The following THSD7A variants were observed in gnomAD, a reference collection of about 807,000 sequenced individuals.
THSD7A encodes the protein thrombospondin type 1 domain containing 7A.
A neutral mutation model predicts 231.3 loss-of-function variants in THSD7A; 96 were observed. The observed-to-expected ratio is 0.41, with a 90% CI of 0.35 to 0.49. THSD7A has a LOEUF of 0.49. Among genes scored for constraint, THSD7A ranks in the 20% least tolerant of loss-of-function variants. The pLI, the probability that THSD7A is intolerant of heterozygous loss-of-function variation, is 0.05. For synonymous variants in THSD7A, 940 were observed against 743.3 expected (o/e 1.26, Z -4.30); for missense variants, 2,290 against 2,070.2 (o/e 1.11, Z -2.06).
At chr7:11,721,112 T>C (rs1781335520) in intron 1 of THSD7A, among the ~76,000 whole-genome samples, 1 of 151,856 alleles carries the variant, frequency 6.6e-6, no homozygotes, top group Admixed American at 6.6e-5. Flanking sequence ...AAAACTCCAC[T>C]TTCTACTTGT....
At chr7:11,690,862 G>A (rs929011838) in intron 1 of THSD7A, among the ~76,000 whole-genome samples, 10 of 151,664 alleles carry the variant, frequency 6.6e-5, no homozygotes, top group South Asian at 2.1e-4. Flanking sequence ...AGTTTTCTTC[G>A]AAGTGATATT....
intron 6 of THSD7A, among the ~76,000 whole-genome samples, chr7:11,490,162 A>G (rs1204366780): frequency 6.6e-6 from 1 of 152,058 alleles, no homozygotes; most frequent in African/African-American, 2.4e-5. Context: ...TTCTTCTGAT[A>G]GCACCCACTT....
intron 1 of THSD7A, among the ~76,000 whole-genome samples, chr7:11,644,033 G>C (rs913041622): frequency 2.9e-5 from 4 of 140,198 alleles, no homozygotes; most frequent in Non-Finnish European, 4.6e-5. Flanking sequence ...TTTCTTGGAG[G>C]GTTCATCCTT....
chr7:11,695,898 CTT>C (rs1405347565), intron 1 of THSD7A, among the ~76,000 whole-genome samples: 1 of 151,448 alleles, frequency 6.6e-6, no homozygotes, highest in Non-Finnish European at 1.5e-5. Context: ...GCGGACGTGA[CTT>C]AGGGTGGCCT....
intron 6 of THSD7A, among the ~76,000 whole-genome samples, chr7:11,513,844 A>G (rs1480197875): frequency 6.6e-6 from 1 of 152,138 alleles, no homozygotes; most frequent in Admixed American, 6.6e-5. Flanking sequence ...ATAGTTTATA[A>G]GGCTATTAGG....
chr7:11,783,195 C>T, intron 1 of THSD7A, among the ~76,000 whole-genome samples: 1 of 152,112 alleles, frequency 6.6e-6, no homozygotes, highest in East Asian at 1.9e-4. Context: ...TTACAAATAT[C>T]ACAAGTGGAA....
At chr7:11,740,941 G>A (rs1035111524) in intron 1 of THSD7A, among the ~76,000 whole-genome samples, 2 of 151,816 alleles carry the variant, frequency 1.3e-5, no homozygotes, top group African/African-American at 4.8e-5. Flanking sequence ...ATTACATAAC[G>A]CTGTTTATGT....
chr7:11,540,692 T>A (rs954260819), intron 6 of THSD7A, among the ~76,000 whole-genome samples: 1 of 152,020 alleles, frequency 6.6e-6, no homozygotes, highest in Non-Finnish European at 1.5e-5. Context: ...AGGTAAGGAG[T>A]TCTCCCCAAA....
intron 1 of THSD7A, among the ~76,000 whole-genome samples, chr7:11,648,220 A>G (rs993479223): frequency 3.9e-5 from 6 of 152,090 alleles, no homozygotes; most frequent in Non-Finnish European, 7.4e-5. Context: ...CCCCTCCACC[A>G]TTATCCTTTA....
At position 11,406,217 on chromosome 7, in the gene THSD7A, CTTATACT is replaced by C; in HGVS notation, c.4237+76_4237+82del. 2.9e-6 allele frequency: 4 copies of C among 1,379,400 alleles called. No individual in the cohort carries two copies. The highest frequency in any genetic ancestry group is 4.0e-6 in the Non-Finnish European group (4 of 1,007,958). The allele number at this position is 1,379,400 out of a possible 1,614,324, so 85.4% of individuals were successfully genotyped here. ...TAAGAAGACTGTTGACATCCTGTAA[CTTATACT>C]TTATATGCAACCCCTTCACGGCCCT... On this transcript the variant is annotated intron_variant, in intron 22 of 27. Coordinates refer to ENST00000423059, the MANE Select transcript of THSD7A (RefSeq NM_015204.3). The surrounding 1 kb of genome is among the most constrained non-coding windows in gnomAD (Gnocchi z 4.7).
intron 6 of THSD7A, among the ~76,000 whole-genome samples, chr7:11,504,967 T>C (rs763290493): frequency 4.6e-5 from 7 of 152,126 alleles, no homozygotes; most frequent in Non-Finnish European, 5.9e-5. Context: ...TGCTAAGGTA[T>C]GTAATATCTT....
intron 1 of THSD7A, among the ~76,000 whole-genome samples, chr7:11,762,128 C>T (rs1344543887): frequency 1.3e-5 from 2 of 152,142 alleles, no homozygotes; most frequent in African/African-American, 4.8e-5. Context: ...ATACCTACCA[C>T]ATTTTTTTAT....
intron 14 of THSD7A, 94 bp downstream of exon 14, chr7:11,428,853 C>A (rs1421335145): frequency 1.4e-6 from 2 of 1,420,392 alleles, no homozygotes; most frequent in East Asian, 2.4e-5. Context: ...ATTTTTTATT[C>A]AATAGCTATT....
At chr7:11,480,220 C>A (rs1432943877) in intron 7 of THSD7A, among the ~76,000 whole-genome samples, 5 of 152,160 alleles carry the variant, frequency 3.3e-5, no homozygotes, top group African/African-American at 1.2e-4. Context: ...TATCAAAGAG[C>A]AATCACAAAT....
At chr7:11,453,866 A>G (rs1785221362) in intron 11 of THSD7A, among the ~76,000 whole-genome samples, 1 of 152,040 alleles carries the variant, frequency 6.6e-6, no homozygotes, top group Non-Finnish European at 1.5e-5. Context: ...AGCATCCAAA[A>G]TTGACATTAT....
intron 23 of THSD7A, among the ~76,000 whole-genome samples, chr7:11,390,264 C>T (rs1782928922): frequency 8.0e-6 from 1 of 125,094 alleles, no homozygotes; most frequent in African/African-American, 2.9e-5. Context: ...TTAGTCTTTT[C>T]ACATAGTCCC....
intron 2 of THSD7A, among the ~76,000 whole-genome samples, chr7:11,627,123 C>T (rs1781496897): frequency 1.3e-5 from 2 of 151,932 alleles, no homozygotes; most frequent in African/African-American, 2.4e-5. Context: ...CTAATGTAAG[C>T]GATTAAGGTT....
intron 1 of THSD7A, chr7:11,820,353 TC>T: frequency 9.2e-7 from 1 of 1,089,932 alleles, no homozygotes; most frequent in Non-Finnish European, 1.2e-6. Flanking sequence ...CCTTCTCTTC[TC>T]TGTTCTCTGT....
At chr7:11,389,587 G>C (rs1448790328) in intron 23 of THSD7A, among the ~76,000 whole-genome samples, 2 of 151,800 alleles carry the variant, frequency 1.3e-5, no homozygotes, top group Non-Finnish European at 2.9e-5. Context: ...TTGCCAGTCT[G>C]TGTCTTTTAA....
Sources: allele counts gnomAD v4.1 joint callset (sites outside exome capture counted in the v4.1 genomes callset), GRCh38; gene constraint gnomAD v4.1.1; non-coding constraint Gnocchi (gnomAD v3.1); transcripts MANE v1.5; gene names NCBI Gene and HGNC (gene_info 2026-07-23, HGNC 2026-07-21).